The following DGKB variants were observed in gnomAD, a reference collection of about 807,000 sequenced individuals.
The protein encoded by DGKB is 90 kDa diacylglycerol kinase.
Under a neutral mutation model 114.3 loss-of-function variants are expected in DGKB, and 67 were observed. The ratio of observed to expected loss-of-function variants is 0.59; its 90% confidence interval spans 0.48 to 0.72. The LOEUF is 0.72. Among genes scored for constraint, DGKB ranks in the 30% least tolerant of loss-of-function variants. The pLI is 0.00. For synonymous variants in DGKB, 398 were observed against 323.1 expected, an observed-to-expected ratio of 1.23 and a Z score of -2.49; for missense variants, 907 against 975.2, an observed-to-expected ratio of 0.93 and a Z score of 0.93.
At chr7:14,831,249 G>A (rs977207630) in intron 2 of DGKB, among the ~76,000 whole-genome samples, 1 of 151,958 alleles carries the variant, frequency 6.6e-6, no homozygotes, top group Non-Finnish European at 1.5e-5. Context: ...ACCTGATGGG[G>A]AAATATGTAT....
At chr7:14,934,599 A>G (rs1254287115) in intron 1 of DGKB, among the ~76,000 whole-genome samples, 1 of 152,214 alleles carries the variant, frequency 6.6e-6, no homozygotes, top group African/African-American at 2.4e-5. Flanking sequence ...TTCAACAAGT[A>G]AAAGTGATCT....
chr7:14,830,763 G>A (rs552386677), intron 2 of DGKB, among the ~76,000 whole-genome samples: 1 of 152,066 alleles, frequency 6.6e-6, no homozygotes, highest in Non-Finnish European at 1.5e-5. Flanking sequence ...GAGTTTTCAA[G>A]GCATTTTACA....
rs549920583 is a variant in DGKB at position 14,575,170 on chromosome 7, T to C, written c.1610-798A>G. On this transcript the variant is annotated intron_variant, in intron 19 of 25. Transcript: ENST00000402815. ...AAACTAATAAATTTGCTAACACTTC[T>C]TTCTGGAAAGCACCCTTTCAAAATA... 3.3e-5 allele frequency among the ~76,000 whole-genome samples: 5 copies of C among 152,150 alleles called. No individual in the cohort carries two copies. The South Asian group carries it at 6.2e-4, about 19-fold the overall frequency.
chr7:14,386,460 T>C (rs1820355744), intron 21 of DGKB, among the ~76,000 whole-genome samples: 1 of 152,202 alleles, frequency 6.6e-6, no homozygotes, highest in Non-Finnish European at 1.5e-5. Flanking sequence ...ATCATGTATG[T>C]ATAACTCCCT....
chr7:14,561,226 A>T (rs1201861488), intron 20 of DGKB, among the ~76,000 whole-genome samples: 1 of 151,792 alleles, frequency 6.6e-6, no homozygotes, highest in African/African-American at 2.4e-5. Context: ...CCCTGCACAC[A>T]CTCTCTTGCC....
intron 23 of DGKB, among the ~76,000 whole-genome samples, chr7:14,182,503 G>C (rs1782784691): frequency 6.6e-6 from 1 of 152,084 alleles, no homozygotes; most frequent in Admixed American, 6.6e-5. Flanking sequence ...AGAAGAGTCA[G>C]TAGATTTCAC....
At chr7:14,469,463 G>T (rs1442808890) in intron 21 of DGKB, among the ~76,000 whole-genome samples, 1 of 151,644 alleles carries the variant, frequency 6.6e-6, no homozygotes, top group Non-Finnish European at 1.5e-5. Context: ...GAGAGTGAGG[G>T]GCAAAAAAGG....
rs565647835 is a variant in DGKB, at chr7:14,915,817, G to A, written c.-188+58879C>T. On this transcript the variant is annotated intron_variant, in intron 1 of 4. Transcript: ENST00000437998. Reference sequence around the variant, plus strand: ...CAGGGAATTTGTTACCTGTAATACTGTCTTGCAGGAAATGTTAAAACAAGT... The same window carrying A: ...CAGGGAATTTGTTACCTGTAATACTATCTTGCAGGAAATGTTAAAACAAGT... Among the ~76,000 whole-genome samples, 254 of 152,234 alleles carry A rather than the reference G, an allele frequency of 1.7e-3. 1 individual carries two copies. Among genetic ancestry groups the A allele is most frequent in the Non-Finnish European group, 2.7e-3 (186 of 67,990 alleles).
At chr7:14,251,684 G>C (rs1014229811) in intron 23 of DGKB, among the ~76,000 whole-genome samples, 1 of 152,102 alleles carries the variant, frequency 6.6e-6, no homozygotes, top group Non-Finnish European at 1.5e-5. Flanking sequence ...AGTTAGGTCT[G>C]ATAGTGATCA....
chr7:14,930,814 C>T (rs1367881720), intron 1 of DGKB, among the ~76,000 whole-genome samples: 2 of 151,900 alleles, frequency 1.3e-5, no homozygotes, highest in Admixed American at 1.3e-4. Flanking sequence ...TCAACTTTTC[C>T]CTGTTCAGTA....
chr7:14,177,046 T>C (rs951718531), intron 24 of DGKB, 147 bp from the exon 25 acceptor site: 2 of 784,946 alleles, frequency 2.5e-6, no homozygotes, highest in African/African-American at 1.7e-5. Flanking sequence ...GCTTCAACTC[T>C]CCACTATTAA....
chr7:14,319,255 T>A (rs148813514), intron 23 of DGKB, among the ~76,000 whole-genome samples: 32,953 of 149,574 alleles, frequency 0.22, 4,316 homozygotes, highest in Non-Finnish European at 0.29. Context: ...ACCTGCACAA[T>A]GTGCACATGT....
At chr7:14,756,490 C>A (rs1253884316) in intron 3 of DGKB, among the ~76,000 whole-genome samples, 1 of 151,384 alleles carries the variant, frequency 6.6e-6, no homozygotes, top group Non-Finnish European at 1.5e-5. Context: ...TTTATAGGCA[C>A]CAAATATTAA....
chr7:14,530,440 G>C (rs1791390256), intron 20 of DGKB, among the ~76,000 whole-genome samples: 1 of 151,284 alleles, frequency 6.6e-6, no homozygotes, highest in African/African-American at 2.4e-5. Context: ...AAGTATGATT[G>C]ACCTATAAAT....
chr7:14,740,689 A>G (rs1302670631), intron 4 of DGKB, among the ~76,000 whole-genome samples: 2 of 152,150 alleles, frequency 1.3e-5, no homozygotes, highest in Non-Finnish European at 2.9e-5. Flanking sequence ...TCATGGATAG[A>G]GGTCATACTA....
rs976630253 is a variant in DGKB, at chr7:14,313,515, C to G, written c.2122+25000G>C. On this transcript the variant is annotated intron_variant, in intron 23 of 25. Transcript: ENST00000402815. ...CCTAATCAAAGAAAGGGGTGACGGA[C>G]GGCACCTGGAAAATCGGGAAAATCG... Among the ~76,000 whole-genome samples the G allele has an allele frequency of 4.6e-5, 7 of 152,070 alleles. No homozygotes were observed. The South Asian group carries it at 1.0e-3, about 22-fold the overall frequency.
intron 1 of DGKB, among the ~76,000 whole-genome samples, chr7:14,881,334 T>C (rs1317944173): frequency 6.6e-6 from 1 of 152,180 alleles, no homozygotes; most frequent in East Asian, 1.9e-4. Context: ...CCTGTCACCA[T>C]TTTTGAAGCA....
At chr7:14,814,862 C>G (rs1157982169) in intron 2 of DGKB, among the ~76,000 whole-genome samples, 1 of 152,158 alleles carries the variant, frequency 6.6e-6, no homozygotes, top group African/African-American at 2.4e-5. Flanking sequence ...TTATGCTCTT[C>G]TTCAGCTCAG....
At chr7:14,221,114 A>T (rs776229872) in intron 23 of DGKB, among the ~76,000 whole-genome samples, 1 of 151,446 alleles carries the variant, frequency 6.6e-6, no homozygotes, top group African/African-American at 2.4e-5. Flanking sequence ...ATGTGCAAAT[A>T]GAAATAGTTT....
Sources: allele counts gnomAD v4.1 joint callset (sites outside exome capture counted in the v4.1 genomes callset), GRCh38; gene constraint gnomAD v4.1.1; transcripts MANE v1.5; gene names NCBI Gene and HGNC (gene_info 2026-07-23, HGNC 2026-07-21).